Variants in DLG2 observed in about 807,000 individuals in gnomAD.
DLG2 encodes discs large MAGUK scaffold protein 2.
A neutral mutation model predicts 132.5 loss-of-function variants in DLG2; 45 were observed. The observed-to-expected ratio is 0.34, with a 90% CI of 0.27 to 0.44. DLG2 has a LOEUF of 0.44. Among genes scored for constraint, DLG2 ranks in the 20% least tolerant of loss-of-function variants. DLG2 has a pLI of 1.00. For missense variants in DLG2, 1,045 were observed against 1,196.9 expected, an observed-to-expected ratio of 0.87 and a Z score of 1.87; for synonymous variants, 424 against 419.6, an observed-to-expected ratio of 1.01 and a Z score of -0.13.
chr11:83,829,465 G>A (rs1775687989), intron 17 of DLG2, among the ~76,000 whole-genome samples: 1 of 152,120 alleles, frequency 6.6e-6, no homozygotes, highest in Admixed American at 6.5e-5. Flanking sequence ...CCAAAGTGCT[G>A]GGATTATAGG....
chr11:85,496,322 C>G (rs895909021), intron 3 of DLG2, among the ~76,000 whole-genome samples: 1 of 152,180 alleles, frequency 6.6e-6, no homozygotes, highest in Non-Finnish European at 1.5e-5. Flanking sequence ...TGAGATTGAC[C>G]TGGGACACGG....
At chr11:84,499,703 G>A (rs913592754) in intron 7 of DLG2, among the ~76,000 whole-genome samples, 4 of 151,662 alleles carry the variant, frequency 2.6e-5, no homozygotes, top group Non-Finnish European at 4.4e-5. Context: ...TTTTTTCACT[G>A]TTCTCTCTTT....
At chr11:85,169,884 C>T (rs756515306) in intron 4 of DLG2, among the ~76,000 whole-genome samples, 5 of 152,094 alleles carry the variant, frequency 3.3e-5, no homozygotes, top group Non-Finnish European at 5.9e-5. Context: ...AATTCAAGTG[C>T]TAAGCATGTC....
intron 6 of DLG2, among the ~76,000 whole-genome samples, chr11:85,077,703 CTA>C (rs1323128563): frequency 6.6e-6 from 1 of 152,006 alleles, no homozygotes; most frequent in Non-Finnish European, 1.5e-5. Context: ...AAAGCTGACA[CTA>C]TTTTTATCTC....
At chr11:84,455,379 A>G (rs2099062680) in intron 7 of DLG2, among the ~76,000 whole-genome samples, 1 of 151,410 alleles carries the variant, frequency 6.6e-6, no homozygotes, top group Admixed American at 6.6e-5. Flanking sequence ...GTTTTGGTGT[A>G]GAAAAAGACT....
intron 3 of DLG2, among the ~76,000 whole-genome samples, chr11:85,486,198 G>GCTCCT (rs2093425185): frequency 6.6e-6 from 1 of 152,096 alleles, no homozygotes; most frequent in Non-Finnish European, 1.5e-5. Context: ...AAAAGGGAAA[G>GCTCCT]AGGAGACCAG....
At chr11:84,107,229 T>C (rs141433840) in intron 9 of DLG2, among the ~76,000 whole-genome samples, 286 of 151,722 alleles carry the variant, frequency 1.9e-3, no homozygotes, top group Middle Eastern at 3.4e-3. Flanking sequence ...GGGCCCAGAG[T>C]TCAGACTCTT....
chr11:85,154,483 G>T, intron 5 of DLG2, 73 bp downstream of exon 5: 1 of 783,532 alleles, frequency 1.3e-6, no homozygotes. Context: ...AACACTACTA[G>T]CACTATCCAC....
chr11:85,223,804 A>T (rs1458427075), intron 4 of DLG2, among the ~76,000 whole-genome samples: 2 of 152,152 alleles, frequency 1.3e-5, no homozygotes, highest in African/African-American at 2.4e-5. Flanking sequence ...AAGGGTGAGA[A>T]TTAAGAGGAC....
chr11:84,791,861 A>T (rs1409797675), intron 6 of DLG2, among the ~76,000 whole-genome samples: 1 of 152,090 alleles, frequency 6.6e-6, no homozygotes, highest in East Asian at 1.9e-4. Context: ...CCCATGTAAG[A>T]TTATATCATC....
intron 14 of DLG2, among the ~76,000 whole-genome samples, chr11:83,957,890 A>G (rs1189940516): frequency 6.6e-6 from 1 of 152,168 alleles, no homozygotes; most frequent in Non-Finnish European, 1.5e-5. Context: ...TCCATATGCT[A>G]TCTCCTGAGA....
chr11:85,236,420 C>T (rs117901778), intron 4 of DLG2, among the ~76,000 whole-genome samples: 4,583 of 152,038 alleles, frequency 0.03, 109 homozygotes, highest in Non-Finnish European at 0.045. Context: ...GATGGCTGTC[C>T]TCTTGCTGCT....
intron 6 of DLG2, among the ~76,000 whole-genome samples, chr11:84,873,429 C>A (rs1455590469): frequency 6.6e-6 from 1 of 152,200 alleles, no homozygotes; most frequent in Admixed American, 6.5e-5. Context: ...CTTCTGACTT[C>A]AGGAAATGTA....
At chr11:84,078,998 A>G (rs1199149980) in intron 10 of DLG2, among the ~76,000 whole-genome samples, 2 of 152,184 alleles carry the variant, frequency 1.3e-5, no homozygotes, top group Non-Finnish European at 2.9e-5. Context: ...CCTCAAAGTC[A>G]TTCTTTAATA....
At chr11:84,003,583 G>A (rs761273211) in intron 11 of DLG2, among the ~76,000 whole-genome samples, 2 of 152,094 alleles carry the variant, frequency 1.3e-5, no homozygotes, top group Admixed American at 6.6e-5. Context: ...CCAAGGGAAG[G>A]GGAAGAGCCT....
At chr11:85,103,389 C>A (rs764429739) in intron 6 of DLG2, among the ~76,000 whole-genome samples, 7 of 151,906 alleles carry the variant, frequency 4.6e-5, no homozygotes, top group African/African-American at 1.7e-4. Flanking sequence ...CAGTGTGGCA[C>A]TGGCAAAAGG....
intron 3 of DLG2, among the ~76,000 whole-genome samples, chr11:85,341,670 T>G (rs955997482): frequency 6.6e-6 from 1 of 152,136 alleles, no homozygotes; most frequent in African/African-American, 2.4e-5. Context: ...AAATTGTACT[T>G]TTAGGACAAA....
chr11:83,977,495 T>C (rs906580022), intron 12 of DLG2, among the ~76,000 whole-genome samples: 2 of 152,080 alleles, frequency 1.3e-5, no homozygotes, highest in Non-Finnish European at 2.9e-5. Flanking sequence ...TGTTTGCACA[T>C]ACACCAAGGA....
Position 83,468,451 on chromosome 11 carries a change from T to C in DLG2, c.2619+750A>G, listed in dbSNP as rs149995118. On this transcript the variant is annotated intron_variant, in intron 25 of 27. Transcript: ENST00000376104. ...CTAGAACCAGTATTCATTTAGTTGA[T>C]AGAACTGAACTTTTGAGAGGGAGGA... Among the ~76,000 whole-genome samples the C allele has an allele frequency of 3.9e-4, 59 of 152,334 alleles. 1 individual carries two copies. The East Asian group carries it at 8.9e-3, about 23-fold the overall frequency.
Sources: gnomAD v4.1 joint callset for allele counts (sites outside exome capture counted in the v4.1 genomes callset) on GRCh38, gnomAD v4.1.1 for gene constraint, MANE v1.5 for transcripts, NCBI Gene and HGNC (gene_info 2026-07-23, HGNC 2026-07-21) for gene names.